The following CDH13 variants were observed in gnomAD, a reference collection of about 807,000 sequenced individuals.
The protein encoded by CDH13 is cadherin 13, also known as cadherin-13.
Under a neutral mutation model 63.8 loss-of-function variants are expected in CDH13, and 24 were observed. The observed-to-expected ratio is 0.38, with a 90% confidence interval of 0.27 to 0.53. The LOEUF (loss-of-function observed/expected upper bound fraction) is 0.53. Ranked by LOEUF, CDH13 falls within the 20% of genes least tolerant of loss-of-function variation. The probability of loss-of-function intolerance (pLI) is 0.85; values close to 1 mark genes in which losing one functional copy is unlikely to be tolerated. For synonymous variants in CDH13, 503 were observed against 355.3 expected, an observed-to-expected ratio of 1.42 and a Z score of -4.67; for missense variants, 1,049 against 903.1, an observed-to-expected ratio of 1.16 and a Z score of -2.07.
rs564142613 is a variant in CDH13 at position 83,150,835 on chromosome 16, C to T, written c.483+25334C>T. The stretch of plus-strand genomic sequence containing the variant: ...CCCAAGTATTTTGTGTGGTGAACAA[C>T]CTGCATGACTGGCCCTTCCCCTTAA... On this transcript the variant is annotated intron_variant, in intron 4 of 13. Transcript: ENST00000567109. 1.1e-4 allele frequency among the ~76,000 whole-genome samples: 16 copies of T among 152,304 alleles called. No homozygotes were observed. In the South Asian group the frequency reaches 2.9e-3, roughly 28 times the overall value.
At chr16:83,091,335 A>G (rs1177498329) in intron 3 of CDH13, among the ~76,000 whole-genome samples, 3 of 152,144 alleles carry the variant, frequency 2.0e-5, no homozygotes, top group Non-Finnish European at 4.4e-5. Context: ...TCCTAGGGTA[A>G]ATTCTCAGTC....
At chr16:83,794,862 C>A (rs1306899649) in intron 13 of CDH13, among the ~76,000 whole-genome samples, 161 bp from the exon 14 acceptor site, 1 of 151,652 alleles carries the variant, frequency 6.6e-6, no homozygotes, top group Non-Finnish European at 1.5e-5. Context: ...TTCATTCTGT[C>A]TTCCAATGTG....
intron 5 of CDH13, among the ~76,000 whole-genome samples, chr16:83,279,922 T>C (rs2089112942): frequency 6.6e-6 from 1 of 152,186 alleles, no homozygotes; most frequent in South Asian, 2.1e-4. Context: ...AATAGTTTCA[T>C]GTCTGAAAAA....
At chr16:82,985,914 G>T (rs534824016) in intron 2 of CDH13, among the ~76,000 whole-genome samples, 21 of 152,170 alleles carry the variant, frequency 1.4e-4, no homozygotes, top group Non-Finnish European at 2.8e-4. Flanking sequence ...GCCATGTGTT[G>T]TGCCTGCCTC....
Position 83,602,415 on chromosome 16 carries a change from C to G in CDH13, c.961-39C>G, listed in dbSNP as rs1439987679. 5 of 1,612,558 alleles carry G rather than the reference C, an allele frequency of 3.1e-6. No individual in the cohort carries two copies. The East Asian group carries it at 1.1e-4, about 36-fold the overall frequency. On this transcript the variant is annotated intron_variant, in intron 7 of 13. Transcript: ENST00000567109. ...ACCTTTCCAAAGCAGTAACCCAAAT[C>G]TAAATGTCATATTATTTCTTTGTGC... is the stretch of plus-strand genomic sequence containing the variant.
At chr16:82,809,589 A>G (rs1312530664) in intron 1 of CDH13, among the ~76,000 whole-genome samples, 1 of 151,988 alleles carries the variant, frequency 6.6e-6, no homozygotes, top group Non-Finnish European at 1.5e-5. Flanking sequence ...CTTTCTTTGG[A>G]TTTGGTTTTA....
chr16:83,440,748 G>A (rs564070863), intron 6 of CDH13, among the ~76,000 whole-genome samples: 5 of 145,222 alleles, frequency 3.4e-5, no homozygotes, highest in South Asian at 2.3e-4. Flanking sequence ...CTGAGCCACC[G>A]CACTCCAGCC....
At chr16:83,602,395 T>C in intron 7 of CDH13, 59 bp from the exon 8 acceptor site, 1 of 1,591,852 alleles carries the variant, frequency 6.3e-7, no homozygotes, top group Non-Finnish European at 8.6e-7. Context: ...CTGCCACCTT[T>C]CCAAAGCAGT....
intron 3 of CDH13, among the ~76,000 whole-genome samples, chr16:83,100,386 G>C (rs975333549): frequency 6.6e-6 from 1 of 152,166 alleles, no homozygotes; most frequent in East Asian, 1.9e-4. Context: ...TGTGTGGGCA[G>C]GATTATCTCA....
chr16:83,670,945 C>G lies in CDH13; in HGVS notation c.1257C>G (p.Thr419=). The G allele has an allele frequency of 1.2e-6, 2 of 1,603,696 alleles. No homozygotes were observed. The highest frequency in any genetic ancestry group is 1.1e-5 in the South Asian group (1 of 90,010). Residue 419 remains threonine (T), a synonymous_variant, in exon 9 of 14, where the codon ACC becomes ACG. Coordinates refer to ENST00000567109, the MANE Select transcript of CDH13 (RefSeq NM_001257.5). ...QSFEIHTNPQ[T]NEGMLSVVKP... ...TTGAAATCCACACCAACCCTCAAAC[C>G]AACGAAGGGATGCTTTCTGTTGTCA...
At chr16:83,783,867 G>A (rs976035171) in intron 13 of CDH13, among the ~76,000 whole-genome samples, 5 of 152,204 alleles carry the variant, frequency 3.3e-5, no homozygotes, top group South Asian at 2.1e-4. Context: ...CAGATATTAT[G>A]AGACTTTCTG....
intron 3 of CDH13, among the ~76,000 whole-genome samples, chr16:83,094,254 T>G (rs2151588819): frequency 6.6e-6 from 1 of 152,290 alleles, no homozygotes; most frequent in African/African-American, 2.4e-5. Flanking sequence ...ACCCCTGCTT[T>G]GCCCTCTTTG....
At chr16:83,733,384 C>T (rs966572772) in intron 10 of CDH13, among the ~76,000 whole-genome samples, 1 of 152,202 alleles carries the variant, frequency 6.6e-6, no homozygotes, top group African/African-American at 2.4e-5. Flanking sequence ...TCCCGGTAAC[C>T]TGGCCTCCAT....
chr16:83,576,933 C>T (rs1268408504), intron 7 of CDH13, among the ~76,000 whole-genome samples: 1 of 152,092 alleles, frequency 6.6e-6, no homozygotes, highest in Admixed American at 6.5e-5. Flanking sequence ...TATTTTTATT[C>T]CATTCTGTAA....
At chr16:83,470,967 C>T (rs993960025) in intron 6 of CDH13, among the ~76,000 whole-genome samples, 11 of 152,132 alleles carry the variant, frequency 7.2e-5, no homozygotes, top group Non-Finnish European at 1.6e-4. Flanking sequence ...TTTCCAGCTT[C>T]TCGGGTCACC....
chr16:83,418,558 G>C (rs2071620435), intron 6 of CDH13, among the ~76,000 whole-genome samples: 1 of 152,160 alleles, frequency 6.6e-6, no homozygotes. Flanking sequence ...TTACAAGTTA[G>C]GGTTTGATCC....
At chr16:83,276,136 C>G (rs1281202607) in intron 5 of CDH13, among the ~76,000 whole-genome samples, 3 of 152,178 alleles carry the variant, frequency 2.0e-5, no homozygotes, top group Non-Finnish European at 4.4e-5. Context: ...GCCCCACACT[C>G]TCAGGCTGTT....
At chr16:82,679,879 C>T (rs1044770946) in intron 1 of CDH13, among the ~76,000 whole-genome samples, 2 of 152,150 alleles carry the variant, frequency 1.3e-5, no homozygotes, top group Non-Finnish European at 2.9e-5. Flanking sequence ...AAAGAAGGAA[C>T]CCTATCTCAT....
rs183271220 is a variant in CDH13 at position 83,509,103 on chromosome 16, C to T, written c.960+22448C>T. On this transcript the variant is annotated intron_variant, in intron 7 of 13. Coordinates refer to ENST00000567109, the MANE Select transcript of CDH13 (RefSeq NM_001257.5). ...TTCCATAATCCCTCTACTCAACCCC[C>T]TTCTTCCCCAGCCCCCAGGGGCTTC... 7.2e-5 allele frequency among the ~76,000 whole-genome samples: 11 copies of T among 152,340 alleles called. No individual in the cohort carries two copies. The East Asian group carries it at 1.7e-3, about 24-fold the overall frequency.
Sources: allele counts gnomAD v4.1 joint callset (sites outside exome capture counted in the v4.1 genomes callset), GRCh38; gene constraint gnomAD v4.1.1; transcripts MANE v1.5; gene names NCBI Gene and HGNC (gene_info 2026-07-23, HGNC 2026-07-21).